SLC14A2: variants seen among roughly 807,000 people sequenced by gnomAD.
SLC14A2 encodes the protein solute carrier family 14 member 2, also known as urea transporter 2.
SLC14A2 carries 91 observed loss-of-function variants against 104.6 expected under a neutral mutation model. That is an observed-to-expected ratio of 0.87 (90% CI 0.73 to 1.04). SLC14A2 has a LOEUF of 1.04. Among genes scored for constraint, SLC14A2 ranks in the 50% least tolerant of loss-of-function variants. SLC14A2 has a pLI of 0.00. For synonymous variants in SLC14A2, 476 were observed against 466.4 expected (o/e 1.02, Z -0.27); for missense variants, 1,189 against 1,156.0 (o/e 1.03, Z -0.41).
intron 1 of SLC14A2, among the ~76,000 whole-genome samples, chr18:45,451,591 A>C (rs971977808): frequency 1.1e-4 from 17 of 152,210 alleles, no homozygotes; most frequent in African/African-American, 4.1e-4. Context: ...AGCCCAACTT[A>C]AAATAAATAA....
chr18:45,236,309 ATGTG>A (rs1163305446), intron 1 of SLC14A2, among the ~76,000 whole-genome samples: 1 of 54,350 alleles, frequency 1.8e-5, no homozygotes, highest in Admixed American at 2.6e-4. Context: ...ATGTGTGTAT[ATGTG>A]TATATATACA....
At chr18:45,661,699 G>A (rs146098936) in intron 10 of SLC14A2, among the ~76,000 whole-genome samples, 1 of 152,358 alleles carries the variant, frequency 6.6e-6, no homozygotes, top group East Asian at 1.9e-4. Context: ...GGAACAAGAA[G>A]CAGTGGACTG....
At chr18:45,524,414 G>A (rs1417144882) in intron 2 of SLC14A2, among the ~76,000 whole-genome samples, 1 of 152,176 alleles carries the variant, frequency 6.6e-6, no homozygotes, top group East Asian at 1.9e-4. Flanking sequence ...TAGAATGCAA[G>A]AAAGAAAAGA....
At chr18:45,500,555 C>G (rs1053334958) in intron 2 of SLC14A2, among the ~76,000 whole-genome samples, 18 of 129,828 alleles carry the variant, frequency 1.4e-4, no homozygotes, top group African/African-American at 5.3e-4. Flanking sequence ...CCAGCCTGGG[C>G]GACAGAGCGA....
intron 4 of SLC14A2, among the ~76,000 whole-genome samples, 198 bp downstream of exon 4, chr18:45,627,345 A>C (rs2045276356): frequency 6.6e-6 from 1 of 152,170 alleles, no homozygotes; most frequent in Non-Finnish European, 1.5e-5. Context: ...CATTCATTTG[A>C]CTGTGGAGAC....
At chr18:45,631,227 G>A (rs1313985739) in intron 4 of SLC14A2, among the ~76,000 whole-genome samples, 2 of 152,216 alleles carry the variant, frequency 1.3e-5, no homozygotes, top group Non-Finnish European at 2.9e-5. Context: ...CTGGGTTACT[G>A]GGCCACAGCA....
intron 1 of SLC14A2, among the ~76,000 whole-genome samples, chr18:45,282,583 C>T (rs1029329999): frequency 1.3e-4 from 20 of 152,256 alleles, no homozygotes; most frequent in African/African-American, 3.9e-4. Flanking sequence ...CTGTGCCAGA[C>T]GGTAGAGGGC....
chr18:45,664,538 C>T (rs1413754881), intron 11 of SLC14A2, among the ~76,000 whole-genome samples: 1 of 152,198 alleles, frequency 6.6e-6, no homozygotes, highest in East Asian at 1.9e-4. Context: ...ACACAGGGAC[C>T]ATCTAATCCT....
At chr18:45,264,483 G>GTT (rs201591989) in intron 1 of SLC14A2, among the ~76,000 whole-genome samples, 2 of 151,630 alleles carry the variant, frequency 1.3e-5, no homozygotes, top group African/African-American at 4.8e-5. Flanking sequence ...GTATTAGTCC[G>GTT]TTTTTTTTGC....
chr18:45,546,430 C>T (rs541267744), intron 2 of SLC14A2, among the ~76,000 whole-genome samples: 5 of 152,298 alleles, frequency 3.3e-5, no homozygotes, highest in East Asian at 1.9e-4. Context: ...TCGATGCAAA[C>T]GAAATTGAAT....
intron 2 of SLC14A2, among the ~76,000 whole-genome samples, chr18:45,510,744 T>C (rs186364098): frequency 3.0e-4 from 45 of 151,470 alleles, no homozygotes; most frequent in African/African-American, 1.0e-3. Context: ...AGAGAACTTG[T>C]TTGGAGAGGT....
chr18:45,507,082 T>C (rs918834529), intron 2 of SLC14A2: 1 of 152,176 alleles, frequency 6.6e-6, no homozygotes, highest in Non-Finnish European at 1.5e-5. Flanking sequence ...ACAGCTCCAG[T>C]GTTGTCTTTT....
chr18:45,215,444 T>C (rs780893974), intron 1 of SLC14A2, among the ~76,000 whole-genome samples: 18 of 152,214 alleles, frequency 1.2e-4, no homozygotes, highest in Non-Finnish European at 2.4e-4. Context: ...GAAATGGATG[T>C]TCAATGACTT....
chr18:45,185,277 G>T, the SLC14A2 span, among the ~76,000 whole-genome samples: 1 of 152,178 alleles, frequency 6.6e-6, no homozygotes, highest in East Asian at 1.9e-4. Context: ...TCTTGAACTT[G>T]GAGGTTGTGC....
At chr18:45,197,462 T>G in the SLC14A2 span, among the ~76,000 whole-genome samples, 2 of 152,154 alleles carry the variant, frequency 1.3e-5, no homozygotes, top group Non-Finnish European at 2.9e-5. Context: ...AGGAAGATAT[T>G]CGGGGTCAAA....
intron 4 of SLC14A2, 58 bp from the exon 5 acceptor site, chr18:45,632,292 G>C (rs1158678509): frequency 1.3e-6 from 2 of 1,581,128 alleles, no homozygotes; most frequent in Non-Finnish European, 1.7e-6. Context: ...GCACCAGGAG[G>C]GAGGGGCCCA....
At chr18:45,536,116 GA>G (rs1301286416) in intron 2 of SLC14A2, among the ~76,000 whole-genome samples, 1 of 152,164 alleles carries the variant, frequency 6.6e-6, no homozygotes, top group African/African-American at 2.4e-5. Flanking sequence ...GGGCTTCTTG[GA>G]GGAGGTATTG....
intron 1 of SLC14A2, among the ~76,000 whole-genome samples, chr18:45,463,383 A>G (rs538002717): frequency 6.6e-6 from 1 of 152,342 alleles, no homozygotes. Flanking sequence ...GACAAAGATG[A>G]TCCCTACTTA....
intron 1 of SLC14A2, among the ~76,000 whole-genome samples, chr18:45,378,662 T>A (rs1318027198): frequency 6.6e-6 from 1 of 152,220 alleles, no homozygotes; most frequent in Non-Finnish European, 1.5e-5. Flanking sequence ...AAGGTTTTGG[T>A]GGAACTCTAT....
Sources: gnomAD v4.1 joint callset for allele counts (sites outside exome capture counted in the v4.1 genomes callset) on GRCh38, gnomAD v4.1.1 for gene constraint, MANE v1.5 for transcripts, NCBI Gene and HGNC (gene_info 2026-07-23, HGNC 2026-07-21) for gene names.